TENM2: variants seen among roughly 807,000 people sequenced by gnomAD.
The protein encoded by TENM2 is teneurin-2.
A neutral mutation model predicts 245.2 loss-of-function variants in TENM2; 52 were observed. The ratio of observed to expected loss-of-function variants is 0.21; its 90% CI spans 0.17 to 0.27. The LOEUF (loss-of-function observed/expected upper bound fraction) is 0.27. TENM2 is among the 10% of genes least tolerant of loss of function. The pLI, the probability that TENM2 is intolerant of heterozygous loss-of-function variation, is 1.00. For missense variants in TENM2, 3,046 were observed against 3,666.8 expected, an observed-to-expected ratio of 0.83 and a Z score of 4.37; for synonymous variants, 1,363 against 1,438.9, an observed-to-expected ratio of 0.95 and a Z score of 1.19.
At chr5:167,688,022 G>T (rs1757189668) in intron 2 of TENM2, among the ~76,000 whole-genome samples, 1 of 152,102 alleles carries the variant, frequency 6.6e-6, no homozygotes. Flanking sequence ...ACTTTGAAAG[G>T]CACTTTACAT....
chr5:167,513,235 C>A (rs1226117445), intron 2 of TENM2, among the ~76,000 whole-genome samples: 1 of 152,060 alleles, frequency 6.6e-6, no homozygotes, highest in Non-Finnish European at 1.5e-5. Flanking sequence ...GACCCAGGGA[C>A]CTTCTGAGGG....
chr5:167,838,049 C>T (rs548745936), intron 2 of TENM2, among the ~76,000 whole-genome samples: 2 of 152,266 alleles, frequency 1.3e-5, no homozygotes, highest in African/African-American at 2.4e-5. Context: ...GAAGAAATAC[C>T]GACTTGAACC....
At chr5:167,344,732 A>G (rs1758354786) in intron 1 of TENM2, among the ~76,000 whole-genome samples, 1 of 152,158 alleles carries the variant, frequency 6.6e-6, no homozygotes, top group East Asian at 1.9e-4. Flanking sequence ...TGACAGGGAA[A>G]GACACCATGG....
chr5:167,902,439 G>C (rs1404404930), intron 3 of TENM2, among the ~76,000 whole-genome samples: 1 of 152,092 alleles, frequency 6.6e-6, no homozygotes, highest in Non-Finnish European at 1.5e-5. Context: ...CTCTTCTCAA[G>C]ATCAGATTCA....
chr5:168,169,208 G>C (rs1758577254), intron 13 of TENM2, among the ~76,000 whole-genome samples: 1 of 152,182 alleles, frequency 6.6e-6, no homozygotes, highest in South Asian at 2.1e-4. Flanking sequence ...TCTCCATGGA[G>C]TGTCCTCAAA....
chr5:167,227,203 T>C, the TENM2 span, among the ~76,000 whole-genome samples: 2 of 152,104 alleles, frequency 1.3e-5, no homozygotes, highest in African/African-American at 2.4e-5. Flanking sequence ...TGTGGTTTTT[T>C]TCCTGTTATA....
the TENM2 span, among the ~76,000 whole-genome samples, chr5:167,257,605 A>C: frequency 2.6e-5 from 4 of 152,010 alleles, no homozygotes; most frequent in Non-Finnish European, 4.4e-5. Flanking sequence ...AGTTAAAAAA[A>C]AAAAGTGGAG....
the TENM2 span, among the ~76,000 whole-genome samples, chr5:167,145,888 C>T: frequency 1.3e-5 from 2 of 152,210 alleles, no homozygotes; most frequent in Non-Finnish European, 2.9e-5. Flanking sequence ...GTATTCTTTA[C>T]AGCTCGTTCA....
exon 17 of TENM2, chr5:168,200,004 G>A (rs1473210149): frequency 6.2e-7 from 1 of 1,613,894 alleles, no homozygotes; most frequent in Non-Finnish European, 8.5e-7. Context: ...GGGTTCACCT[G>A]ATGGTGGCTG....
chr5:167,639,503 CCTT>C (rs1459092073), intron 2 of TENM2, among the ~76,000 whole-genome samples: 1 of 152,158 alleles, frequency 6.6e-6, no homozygotes, highest in Admixed American at 6.5e-5. Flanking sequence ...AGAATACTGA[CCTT>C]CTTCCTGCTT....
chr5:167,844,203 C>T (rs975407081), intron 2 of TENM2, among the ~76,000 whole-genome samples: 4 of 152,170 alleles, frequency 2.6e-5, no homozygotes, highest in Admixed American at 1.3e-4. Context: ...TCTTTGAAAT[C>T]GTTGATGTGA....
intron 3 of TENM2, among the ~76,000 whole-genome samples, chr5:167,896,273 G>C (rs186783106): frequency 1.3e-5 from 2 of 152,204 alleles, no homozygotes; most frequent in Non-Finnish European, 1.5e-5. Context: ...TTGGAGAGAC[G>C]AGAAAACATG....
At chr5:167,497,335 C>T (rs1768884546) in intron 2 of TENM2, among the ~76,000 whole-genome samples, 1 of 152,014 alleles carries the variant, frequency 6.6e-6, no homozygotes, top group African/African-American at 2.4e-5. Context: ...CTGGCAGCAG[C>T]GTTTAATTTC....
At chr5:167,083,925 A>G in the TENM2 span, among the ~76,000 whole-genome samples, 2 of 152,130 alleles carry the variant, frequency 1.3e-5, no homozygotes, top group African/African-American at 4.8e-5. Context: ...TGTGTGTTCA[A>G]AGTTAAGGAT....
At chr5:168,222,588 G>A (rs1177419662) in intron 23 of TENM2, among the ~76,000 whole-genome samples, 2 of 152,160 alleles carry the variant, frequency 1.3e-5, no homozygotes, top group Admixed American at 1.3e-4. Flanking sequence ...TGAAGAGCTG[G>A]GCAGAAATAG....
intron 2 of TENM2, among the ~76,000 whole-genome samples, chr5:167,704,203 A>G (rs886549345): frequency 6.6e-6 from 1 of 152,144 alleles, no homozygotes; most frequent in African/African-American, 2.4e-5. Flanking sequence ...GGGAGGATGC[A>G]TCTTCTCCAC....
intron 1 of TENM2, among the ~76,000 whole-genome samples, chr5:167,322,844 A>T (rs1756851298): frequency 6.6e-6 from 1 of 152,238 alleles, no homozygotes; most frequent in South Asian, 2.1e-4. Flanking sequence ...TAGGGAAATC[A>T]TCTTAATAGC....
intron 2 of TENM2, among the ~76,000 whole-genome samples, chr5:167,424,357 C>T (rs1389043012): frequency 6.6e-6 from 1 of 152,100 alleles, no homozygotes; most frequent in East Asian, 1.9e-4. Context: ...ATTGTGAGCT[C>T]TTTCAGGGCT....
At chr5:167,050,519 T>C in the TENM2 span, among the ~76,000 whole-genome samples, 9 of 152,296 alleles carry the variant, frequency 5.9e-5, no homozygotes, top group South Asian at 6.2e-4. Context: ...GGTAGGAGTT[T>C]GGATTTCATC....
Sources: allele counts gnomAD v4.1 joint callset (sites outside exome capture counted in the v4.1 genomes callset), GRCh38; gene constraint gnomAD v4.1.1; transcripts MANE v1.5; gene names NCBI Gene and HGNC (gene_info 2026-07-23, HGNC 2026-07-21).